MAST4: variants seen among roughly 807,000 people sequenced by gnomAD.
MAST4 encodes microtubule-associated serine/threonine-protein kinase 4.
A neutral mutation model predicts 162.7 loss-of-function variants in MAST4; 89 were observed. The observed-to-expected ratio is 0.55, with a 90% CI of 0.46 to 0.65. MAST4 has a LOEUF of 0.65. MAST4 is among the 30% of genes least tolerant of loss of function. The probability of loss-of-function intolerance (pLI) is 0.00; values close to 1 mark genes in which losing one functional copy is unlikely to be tolerated. For synonymous variants in MAST4, 1,479 were observed against 1,361.1 expected (o/e 1.09, Z -1.91); for missense variants, 3,153 against 3,374.0 (o/e 0.93, Z 1.62).
intron 13 of MAST4, among the ~76,000 whole-genome samples, chr5:67,120,057 C>T (rs1767387197): frequency 6.6e-6 from 1 of 152,202 alleles, no homozygotes; most frequent in Non-Finnish European, 1.5e-5. Flanking sequence ...GGAGCATTGG[C>T]AGGTGATGAC....
intron 4 of MAST4, among the ~76,000 whole-genome samples, chr5:67,019,891 T>A (rs1429596933): frequency 6.6e-6 from 1 of 152,178 alleles, no homozygotes; most frequent in Non-Finnish European, 1.5e-5. Context: ...ACCCCCTCAT[T>A]ATAAGATGAG....
chr5:67,130,155 A>G (rs966620166), intron 14 of MAST4, 55 bp from the exon 15 acceptor site: 32 of 1,515,186 alleles, frequency 2.1e-5, no homozygotes, highest in Middle Eastern at 3.4e-4. Context: ...TGTATCCCCA[A>G]AACATCCTTA....
chr5:66,686,855 C>T (rs1748692827), intron 1 of MAST4, among the ~76,000 whole-genome samples: 1 of 152,134 alleles, frequency 6.6e-6, no homozygotes, highest in Admixed American at 6.5e-5. Flanking sequence ...GTGCCATGTA[C>T]ATAGAAGACA....
At chr5:66,609,952 A>G (rs566652714) in intron 1 of MAST4, among the ~76,000 whole-genome samples, 10 of 152,076 alleles carry the variant, frequency 6.6e-5, no homozygotes. Flanking sequence ...AGGTGACCTA[A>G]GCAACATAAA....
chr5:66,686,234 C>A (rs973608173), intron 1 of MAST4, among the ~76,000 whole-genome samples: 1 of 152,100 alleles, frequency 6.6e-6, no homozygotes, highest in African/African-American at 2.4e-5. Flanking sequence ...ACATTATTCA[C>A]CTCATAGGTG....
At chr5:66,990,397 A>C (rs1284777692) in intron 4 of MAST4, among the ~76,000 whole-genome samples, 2 of 152,144 alleles carry the variant, frequency 1.3e-5, no homozygotes, top group Non-Finnish European at 2.9e-5. Context: ...ACACTTTGGG[A>C]GGCTGAGGCA....
intron 4 of MAST4, among the ~76,000 whole-genome samples, chr5:66,963,218 A>G (rs1746240148): frequency 6.6e-6 from 1 of 152,186 alleles, no homozygotes; most frequent in African/African-American, 2.4e-5. Context: ...GCCCCTGAGG[A>G]TTAGATAAAA....
At chr5:67,000,292 A>G (rs1323594938) in intron 4 of MAST4, among the ~76,000 whole-genome samples, 1 of 152,250 alleles carries the variant, frequency 6.6e-6, no homozygotes, top group Non-Finnish European at 1.5e-5. Context: ...CTTATTGGGC[A>G]TGGCCTCATG....
At chr5:66,797,196 CAAAAG>C (rs1013623282) in intron 3 of MAST4, among the ~76,000 whole-genome samples, 15 of 152,242 alleles carry the variant, frequency 9.9e-5, no homozygotes, top group African/African-American at 3.6e-4. Context: ...ATCTTATTCT[CAAAAG>C]AAACCAAGAA....
intron 3 of MAST4, among the ~76,000 whole-genome samples, chr5:66,883,794 C>T (rs957524563): frequency 6.6e-6 from 1 of 152,122 alleles, no homozygotes; most frequent in Non-Finnish European, 1.5e-5. Flanking sequence ...AACTGCAGGC[C>T]TACCTATGGT....
intron 3 of MAST4, among the ~76,000 whole-genome samples, chr5:66,843,908 G>A (rs756477243): frequency 6.6e-6 from 1 of 152,070 alleles, no homozygotes; most frequent in African/African-American, 2.4e-5. Context: ...ATTATCTCAG[G>A]TTTTAGCTCC....
At position 66,596,906 on chromosome 5, in the gene MAST4, C is replaced by G; in HGVS notation, c.251C>G (p.Ala84Gly). 2 of 1,289,056 alleles carry G rather than the reference C, an allele frequency of 1.6e-6. No individual in the cohort carries two copies. The highest frequency in any genetic ancestry group is 6.2e-5 in the East Asian group (2 of 32,068). 79.9% of individuals were successfully genotyped at this position (1,289,056 alleles called of 1,614,324 possible). A position where few individuals can be genotyped will look rare whatever the true frequency, so the allele number is the denominator to read the frequency against. ...CGGGCGCCCGCCGCGTGGGCTCCGGCAAGCGTGCTGCTGGAGCGCGGAGTC... is the reference window on the plus strand; with the variant it reads ...CGGGCGCCCGCCGCGTGGGCTCCGGGAAGCGTGCTGCTGGAGCGCGGAGTC... ...GARAPAAWAP[A>G]SVLLERGVLA... The change falls in exon 1 of 29, where the codon GCA (alanine) becomes GGA (glycine). Residue 84 changes from alanine (A) to glycine (G), a missense_variant. Ala to Gly is a moderately conservative substitution (Grantham distance 60, BLOSUM62 0). This residue lies in a region of MAST4 where 327 missense variants were observed against 336.5 expected (regional missense o/e 0.97). Transcript: ENST00000403625.
chr5:66,638,145 C>T (rs748835394), intron 1 of MAST4, among the ~76,000 whole-genome samples: 1 of 152,260 alleles, frequency 6.6e-6, no homozygotes, highest in African/African-American at 2.4e-5. Context: ...CTTACTCTTA[C>T]ACTTGTGGCA....
chr5:66,635,360 TG>T (rs1463581736), intron 1 of MAST4, among the ~76,000 whole-genome samples: 2 of 152,354 alleles, frequency 1.3e-5, no homozygotes, highest in South Asian at 4.1e-4. Context: ...GTTATGTTCC[TG>T]GAAAAGGAGA....
At chr5:67,133,397 T>C in intron 16 of MAST4, 117 bp from the exon 17 acceptor site, 1 of 1,141,902 alleles carries the variant, frequency 8.8e-7, no homozygotes, top group Non-Finnish European at 1.3e-6. Flanking sequence ...GGTTTTGTAA[T>C]AAGCTTGATG....
At chr5:66,806,328 T>C (rs956128083) in intron 3 of MAST4, among the ~76,000 whole-genome samples, 1 of 152,224 alleles carries the variant, frequency 6.6e-6, no homozygotes, top group African/African-American at 2.4e-5. Flanking sequence ...CTGCATCTGA[T>C]ATGAAGTTAA....
rs1742204967 is a variant in MAST4, at chr5:66,596,781, C to T, written c.126C>T (p.Ser42=). ...CGGGTGCTTCCTCGGCCGAGTCCTC[C>T]TCGGGCTCAGAAACTCTGTCGGAGG... ...SSPGASSAES[S]SGSETLSEEG... The change falls in exon 1 of 29, where the codon TCC becomes TCT. Residue 42 remains serine (S), a synonymous_variant. Transcript: ENST00000403625. The T allele has an allele frequency of 7.3e-7, 1 of 1,373,262 alleles. No homozygotes were observed. Among genetic ancestry groups the T allele is most frequent in the Non-Finnish European group, 9.4e-7 (1 of 1,060,656 alleles). The allele number at this position is 1,373,262 out of a possible 1,614,324, so 85.1% of individuals were successfully genotyped here.
chr5:67,131,733 C>T (rs1768994011), intron 15 of MAST4, 80 bp from the exon 16 acceptor site: 1 of 1,441,890 alleles, frequency 6.9e-7, no homozygotes, highest in East Asian at 2.3e-5. Context: ...ATGATTTCAC[C>T]TTGAAATTCT....
intron 27 of MAST4, among the ~76,000 whole-genome samples, chr5:67,162,334 T>C (rs1438188814): frequency 2.6e-5 from 4 of 152,248 alleles, no homozygotes; most frequent in Non-Finnish European, 5.9e-5. Flanking sequence ...AGTAAATGAA[T>C]GTATTTTTAA....
Sources: allele counts gnomAD v4.1 joint callset (sites outside exome capture counted in the v4.1 genomes callset), GRCh38; gene constraint gnomAD v4.1.1; regional missense constraint gnomAD v4.1.1; transcripts MANE v1.5; gene names NCBI Gene and HGNC (gene_info 2026-07-23, HGNC 2026-07-21).